SLC48A1: variants seen among roughly 807,000 people sequenced by gnomAD.
SLC48A1 encodes the protein solute carrier family 48 member 1, also known as heme transporter HRG1.
In SLC48A1, 6 loss-of-function variants were observed where a neutral mutation model predicts 14.8. The observed-to-expected ratio is 0.41, with a 90% CI of 0.22 to 0.80. The LOEUF is 0.80. Among genes scored for constraint, SLC48A1 ranks in the 30% least tolerant of loss-of-function variants. SLC48A1 has a pLI of 0.34. For synonymous variants in SLC48A1, 89 were observed against 90.0 expected, an observed-to-expected ratio of 0.99 and a Z score of 0.06; for missense variants, 165 against 204.8, an observed-to-expected ratio of 0.81 and a Z score of 1.19.
At position 47,773,457 on chromosome 12, in the gene SLC48A1, G is replaced by A; in HGVS notation, c.136+17G>A. On this transcript the variant is annotated intron_variant, in intron 1 of 2. Transcript: ENST00000442218. ...GGCTCGCAGGTACCCCGGGACGCTG[G>A]GCGGCGCGGGGCGGGTGCGCGGCTG... 2.3e-6 allele frequency: 3 copies of A among 1,320,268 alleles called. No individual in the cohort carries two copies. The highest frequency in any genetic ancestry group is 2.9e-6 in the Non-Finnish European group (3 of 1,028,376). The allele number at this position is 1,320,268 out of a possible 1,614,324, so 81.8% of individuals were successfully genotyped here. A position where few individuals can be genotyped will look rare whatever the true frequency, so the allele number is the denominator to read the frequency against.
intron 2 of SLC48A1, among the ~76,000 whole-genome samples, chr12:47,766,465 C>T (rs1319377947): frequency 1.3e-5 from 2 of 152,166 alleles, no homozygotes; most frequent in African/African-American, 4.8e-5. Flanking sequence ...GCTTTATCCA[C>T]CCCGCCCTCC....
rs372475213 is a variant in SLC48A1 at position 47,766,468 on chromosome 12, C to T, written c.-186-5702C>T. On this transcript the variant is annotated intron_variant, in intron 2 of 4. Transcript: ENST00000547002. ...GGTGAATTGCAGGCTTTATCCACCC[C>T]GCCCTCCCCATCCAGCAACAGCTCC... is the stretch of plus-strand genomic sequence containing the variant. 5.9e-5 allele frequency among the ~76,000 whole-genome samples: 9 copies of T among 152,296 alleles called. No individual in the cohort carries two copies. The East Asian group carries it at 7.7e-4, about 13-fold the overall frequency.
chr12:47,763,666 T>C (rs1942442490), intron 2 of SLC48A1, among the ~76,000 whole-genome samples: 2 of 152,304 alleles, frequency 1.3e-5, no homozygotes, highest in Admixed American at 6.5e-5. Flanking sequence ...GGCAGGGAGC[T>C]GGAGCCTTAA....
chr12:47,758,580 C>A, exon 1 of SLC48A1: 1 of 1,613,880 alleles, frequency 6.2e-7, no homozygotes, highest in Non-Finnish European at 8.5e-7. Flanking sequence ...CTCGCACAGC[C>A]GTGCAGGCTC....
intron 2 of SLC48A1, among the ~76,000 whole-genome samples, chr12:47,779,749 A>G (rs2136871425): frequency 6.6e-6 from 1 of 152,344 alleles, no homozygotes; most frequent in African/African-American, 2.4e-5. Context: ...CAGGCCACAC[A>G]GCAGGTGAGG....
At chr12:47,764,450 A>T (rs1318186202) in intron 2 of SLC48A1, among the ~76,000 whole-genome samples, 4 of 152,090 alleles carry the variant, frequency 2.6e-5, no homozygotes, top group Non-Finnish European at 5.9e-5. Flanking sequence ...CCCTGTGCCC[A>T]CTTTGTCCTT....
At chr12:47,773,213 GGCGGCTCCC>G, upstream of SLC48A1, 1 of 1,066,642 alleles carries the variant, frequency 9.4e-7, no homozygotes, top group African/African-American at 1.7e-5. Flanking sequence ...CGGCTGCTCT[GGCGGCTCCC>G]GCGGCTCCGG....
At chr12:47,779,317 G>A in intron 2 of SLC48A1, 122 bp downstream of exon 2, 14 of 1,326,176 alleles carry the variant, frequency 1.1e-5, no homozygotes, top group South Asian at 7.6e-5. Context: ...TAACCTCCCC[G>A]GACACGGGTT....
intron 1 of SLC48A1, among the ~76,000 whole-genome samples, chr12:47,775,650 C>T (rs1289439768): frequency 1.3e-5 from 2 of 152,212 alleles, no homozygotes; most frequent in African/African-American, 2.4e-5. Flanking sequence ...CTACTTCTGA[C>T]TCAGCGTTTT....
Position 47,780,993 on chromosome 12 carries a change from C to A in SLC48A1, c.*712C>A. ...CTGCAGGCAAGGGTTTCCATCCCCGCTGCCCTAGGCACTCTCTTCCCAAGG... is the reference window on the plus strand; with the variant it reads ...CTGCAGGCAAGGGTTTCCATCCCCGATGCCCTAGGCACTCTCTTCCCAAGG... On this transcript the variant is annotated 3_prime_UTR_variant, in exon 3 of 3. Transcript: ENST00000442218. 2.0e-6 allele frequency: 1 copy of A among 497,404 alleles called. No individual in the cohort carries two copies. Among genetic ancestry groups the A allele is most frequent in the Non-Finnish European group, 4.1e-6 (1 of 244,180 alleles). The allele number at this position is 497,404 out of a possible 1,614,324, so 30.8% of individuals were successfully genotyped here.
At chr12:47,767,034 C>T (rs1285465089), upstream of SLC48A1, among the ~76,000 whole-genome samples, 1 of 152,162 alleles carries the variant, frequency 6.6e-6, no homozygotes, top group Non-Finnish European at 1.5e-5. Context: ...CCTTTCTGCT[C>T]TGTGGTCTAC....
chr12:47,775,536 C>CA (rs567388178), intron 1 of SLC48A1, among the ~76,000 whole-genome samples: 47 of 152,204 alleles, frequency 3.1e-4, no homozygotes, highest in Non-Finnish European at 6.0e-4. Flanking sequence ...CCTGGGCCTC[C>CA]GACCTTCCCC....
At chr12:47,758,462 C>T, upstream of SLC48A1, 1 of 1,586,916 alleles carries the variant, frequency 6.3e-7, no homozygotes, top group South Asian at 1.1e-5. Context: ...CCTGACTAAC[C>T]CTCCCTCTCC....
At chr12:47,779,216 AAG>A (rs1942813075) in intron 2 of SLC48A1, 21 bp downstream of exon 2, 3 of 1,546,104 alleles carry the variant, frequency 1.9e-6, no homozygotes, top group South Asian at 1.2e-5. Context: ...GTCCCAGGGA[AAG>A]AGGGCATGGG....
rs573497179 is a variant in SLC48A1 at position 47,776,961 on chromosome 12, C to G, written c.137-2067C>G. Among the ~76,000 whole-genome samples, 8 of 152,296 alleles carry G rather than the reference C, an allele frequency of 5.3e-5. No individual in the cohort carries two copies. The South Asian group carries it at 1.7e-3, about 32-fold the overall frequency. On this transcript the variant is annotated intron_variant, in intron 1 of 2. Transcript: ENST00000442218. ...GGATCTTAGAGCTCAACTTCCCCAA[C>G]CCCTCTGTGGCACGAGGAGACAGAG... is the stretch of plus-strand genomic sequence containing the variant.
At chr12:47,757,047 A>G (rs771919989), upstream of SLC48A1, among the ~76,000 whole-genome samples, 2 of 152,052 alleles carry the variant, frequency 1.3e-5, no homozygotes, top group African/African-American at 2.4e-5. Context: ...TAATACCAGC[A>G]CTTTGGGAGG....
intron 2 of SLC48A1, 107 bp from the exon 3 acceptor site, chr12:47,780,038 G>A (rs2136871974): frequency 7.4e-7 from 1 of 1,353,204 alleles, no homozygotes; most frequent in Non-Finnish European, 9.8e-7. Context: ...CAGCTGCCAG[G>A]ACGTTGCAGG....
chr12:47,778,940 G>C (rs1942805708), intron 1 of SLC48A1, 88 bp from the exon 2 acceptor site: 3 of 1,357,682 alleles, frequency 2.2e-6, no homozygotes, highest in African/African-American at 1.5e-5. Flanking sequence ...CCATATTCTT[G>C]GTATTCTTAT....
chr12:47,764,348 T>C (rs567427661), intron 2 of SLC48A1, among the ~76,000 whole-genome samples: 1 of 152,286 alleles, frequency 6.6e-6, no homozygotes, highest in East Asian at 1.9e-4. Context: ...CACTCCCCTC[T>C]TTGCAACTTT....
Sources: gnomAD v4.1 joint callset for allele counts (sites outside exome capture counted in the v4.1 genomes callset) on GRCh38, gnomAD v4.1.1 for gene constraint, MANE v1.5 for transcripts, NCBI Gene and HGNC (gene_info 2026-07-23, HGNC 2026-07-21) for gene names.